ZEB1: variants seen among roughly 807,000 people sequenced by gnomAD.
ZEB1 encodes the protein zinc finger E-box-binding homeobox 1.
A neutral mutation model predicts 84.9 loss-of-function variants in ZEB1; 21 were observed. The observed-to-expected ratio is 0.25, with a 90% CI of 0.18 to 0.36. The LOEUF (loss-of-function observed/expected upper bound fraction) is 0.36, where lower values mean the gene tolerates loss of function less well. Ranked by LOEUF, ZEB1 falls within the 10% of genes least tolerant of loss-of-function variation. The probability of loss-of-function intolerance (pLI) is 1.00; values close to 1 mark genes in which losing one functional copy is unlikely to be tolerated. For missense variants in ZEB1, 1,104 were observed against 1,330.2 expected, an observed-to-expected ratio of 0.83 and a Z score of 2.65; for synonymous variants, 420 against 471.1, an observed-to-expected ratio of 0.89 and a Z score of 1.41.
intron 1 of ZEB1, among the ~76,000 whole-genome samples, chr10:31,367,908 C>T (rs1376223894): frequency 6.6e-6 from 1 of 151,914 alleles, no homozygotes; most frequent in African/African-American, 2.4e-5. Context: ...TAAATAATTA[C>T]ACTTTCTAAA....
At chr10:31,321,715 G>A in intron 1 of ZEB1, 1 of 814,678 alleles carries the variant, frequency 1.2e-6, no homozygotes, top group Admixed American at 2.2e-5. Flanking sequence ...TTCTCCTTGA[G>A]ATCCTGTGAT....
At chr10:31,516,508 A>G (rs1410128239) in intron 6 of ZEB1, among the ~76,000 whole-genome samples, 1 of 147,968 alleles carries the variant, frequency 6.8e-6, no homozygotes, top group Non-Finnish European at 1.5e-5. Flanking sequence ...GAAAATGACA[A>G]TCAGTAACCA....
intron 1 of ZEB1, among the ~76,000 whole-genome samples, chr10:31,361,475 A>G (rs918575861): frequency 3.9e-5 from 6 of 152,256 alleles, no homozygotes; most frequent in Non-Finnish European, 5.9e-5. Context: ...TGGGGAGGGC[A>G]GAAAGATCAC....
intron 1 of ZEB1, among the ~76,000 whole-genome samples, chr10:31,438,528 A>C (rs2058535809): frequency 1.3e-5 from 2 of 152,220 alleles, no homozygotes; most frequent in African/African-American, 4.8e-5. Flanking sequence ...TAACAAATTC[A>C]AATAACATAA....
At chr10:31,503,071 A>G (rs2068392379) in intron 4 of ZEB1, among the ~76,000 whole-genome samples, 1 of 152,170 alleles carries the variant, frequency 6.6e-6, no homozygotes, top group South Asian at 2.1e-4. Flanking sequence ...CTAGGTTATC[A>G]AAGAAATGAA....
At chr10:31,372,207 A>C (rs1415948725) in intron 1 of ZEB1, among the ~76,000 whole-genome samples, 1 of 152,070 alleles carries the variant, frequency 6.6e-6, no homozygotes, top group Non-Finnish European at 1.5e-5. Flanking sequence ...TCATGTTTTC[A>C]GTTTAGCTTT....
In ZEB1 at chr10:31,529,255, T is replaced by TG. The variant is rs1236883966; in HGVS notation, c.*1995dup. 1 of 152,194 alleles carries TG rather than the reference T, an allele frequency of 6.6e-6. No homozygotes were observed. Among genetic ancestry groups the TG allele is most frequent in the Non-Finnish European group, 1.5e-5 (1 of 68,032 alleles). 9.4% of individuals were successfully genotyped at this position (152,194 alleles called of 1,614,324 possible). ...GTATTTTCTTTGGAAAACTGTGAAATGGGGTACATTGTCATCCTGCATTTG... is the reference window on the plus strand; with the variant it reads ...GTATTTTCTTTGGAAAACTGTGAAATGGGGGTACATTGTCATCCTGCATTTG... On this transcript the variant is annotated 3_prime_UTR_variant, in exon 9 of 9. Coordinates refer to ENST00000424869, the MANE Select transcript of ZEB1 (RefSeq NM_001174096.2).
chr10:31,442,060 A>T (rs966452438), intron 1 of ZEB1, among the ~76,000 whole-genome samples: 2 of 152,220 alleles, frequency 1.3e-5, no homozygotes, highest in African/African-American at 4.8e-5. Flanking sequence ...ATTACTGGGT[A>T]TATACCCAAA....
chr10:31,333,675 T>A lies in ZEB1; in HGVS notation c.58+14383T>A, dbSNP rs117860948. Among the ~76,000 whole-genome samples, 730 of 152,060 alleles carry A rather than the reference T, an allele frequency of 4.8e-3. 15 individuals are homozygous for A. Among genetic ancestry groups the A allele is most frequent in the Middle Eastern group, 0.024 (7 of 294 alleles). The stretch of plus-strand genomic sequence containing the variant: ...GAAAACATGGAAAAGAGAAGACAAG[T>A]AGCACAAAAGTACATAGCAGCAATA... On this transcript the variant is annotated intron_variant, in intron 1 of 8. Coordinates refer to ENST00000424869, the MANE Select transcript of ZEB1 (RefSeq NM_001174096.2).
intron 1 of ZEB1, among the ~76,000 whole-genome samples, chr10:31,335,316 C>T (rs2037784937): frequency 6.6e-6 from 1 of 151,870 alleles, no homozygotes; most frequent in African/African-American, 2.4e-5. Flanking sequence ...TAAAAAAAAA[C>T]ATAGTATTTA....
chr10:31,504,262 C>G (rs1410848118), intron 4 of ZEB1, among the ~76,000 whole-genome samples: 1 of 151,666 alleles, frequency 6.6e-6, no homozygotes, highest in Non-Finnish European at 1.5e-5. Context: ...AATCAAATGG[C>G]TGTTAATAAT....
intron 1 of ZEB1, among the ~76,000 whole-genome samples, chr10:31,450,052 A>G (rs1260847274): frequency 1.3e-5 from 2 of 152,224 alleles, no homozygotes; most frequent in East Asian, 3.8e-4. Flanking sequence ...CTACTTCTCT[A>G]TATAAACTGT....
intron 1 of ZEB1, among the ~76,000 whole-genome samples, chr10:31,326,661 A>G: frequency 6.6e-6 from 1 of 152,138 alleles, no homozygotes; most frequent in Non-Finnish European, 1.5e-5. Flanking sequence ...TATTCTTTTC[A>G]TTAGGTCATT....
intron 1 of ZEB1, among the ~76,000 whole-genome samples, chr10:31,398,970 A>G (rs1188300491): frequency 6.6e-6 from 1 of 151,056 alleles, no homozygotes; most frequent in African/African-American, 2.4e-5. Flanking sequence ...TCCATTTGCT[A>G]ATGATCAGAA....
At position 31,495,783 on chromosome 10, in the gene ZEB1, G is replaced by A; in HGVS notation, c.267G>A (p.Lys89=). The A allele has an allele frequency of 6.2e-7, 1 of 1,612,842 alleles. No homozygotes were observed. The highest frequency in any genetic ancestry group is 1.3e-5 in the African/African-American group (1 of 74,960). ...TTTCTTCTTTGATTTCAGCAGGAAA[G>A]GAAGGGCAAGAAATCCTGGGGCCTG... ...AKNCWEDDTG[K]EGQEILGPEA... The change falls in exon 3 of 9, where the codon AAG becomes AAA. Residue 89 remains lysine, a synonymous_variant. Transcript: ENST00000424869.
intron 4 of ZEB1, among the ~76,000 whole-genome samples, chr10:31,502,885 C>G (rs1456583150): frequency 6.6e-6 from 1 of 152,104 alleles, no homozygotes; most frequent in East Asian, 1.9e-4. Flanking sequence ...TATACCAGAA[C>G]ATACTAATTT....
chr10:31,471,552 T>C (rs2063248474), intron 2 of ZEB1, among the ~76,000 whole-genome samples: 1 of 143,934 alleles, frequency 6.9e-6, no homozygotes, highest in African/African-American at 2.6e-5. Flanking sequence ...AGCACCCAGA[T>C]TCATAAAGCA....
At chr10:31,469,384 G>A (rs1310377296) in intron 2 of ZEB1, among the ~76,000 whole-genome samples, 1 of 152,202 alleles carries the variant, frequency 6.6e-6, no homozygotes, top group Non-Finnish European at 1.5e-5. Context: ...GCAGGGTGAG[G>A]CATTGCCTCA....
intron 3 of ZEB1, among the ~76,000 whole-genome samples, chr10:31,501,202 C>T (rs946917908): frequency 6.6e-6 from 1 of 152,180 alleles, no homozygotes; most frequent in Non-Finnish European, 1.5e-5. Context: ...GAAGTCATCC[C>T]TGAGGCATTT....
Sources: gnomAD v4.1 joint callset for allele counts (sites outside exome capture counted in the v4.1 genomes callset) on GRCh38, gnomAD v4.1.1 for gene constraint, MANE v1.5 for transcripts, NCBI Gene and HGNC (gene_info 2026-07-23, HGNC 2026-07-21) for gene names.